FAT4: variants seen among roughly 807,000 people sequenced by gnomAD.
FAT4 encodes FAT atypical cadherin 4.
FAT4 carries 84 observed loss-of-function variants against 303.9 expected under a neutral mutation model. The observed-to-expected ratio is 0.28, with a 90% CI of 0.23 to 0.33. The LOEUF is 0.33. Ranked by LOEUF, FAT4 falls within the 10% of genes least tolerant of loss-of-function variation. The probability of loss-of-function intolerance (pLI) is 1.00; values close to 1 mark genes in which losing one functional copy is unlikely to be tolerated. For missense variants in FAT4, 6,005 were observed against 6,146.8 expected (o/e 0.98, Z 0.77); for synonymous variants, 2,307 against 2,298.8 (o/e 1.00, Z -0.10).
In FAT4 at chr4:125,479,807, C is replaced by T. The variant is rs781777881; in HGVS notation, c.12546C>T (p.Tyr4182=). The T allele has an allele frequency of 5.9e-5, 95 of 1,605,374 alleles. No homozygotes were observed. The South Asian group carries it at 8.0e-4, about 14-fold the overall frequency. The change falls in exon 15 of 18, where the codon TAC becomes TAT. Residue 4182 remains tyrosine (Y), a synonymous_variant. Coordinates refer to ENST00000394329, the MANE Select transcript of FAT4 (RefSeq NM_001291303.3). ...AACATGGTGGCACATGTATGGATTA[C>T]TGGTCATGGCAGCAGTGTCATTGCA... ...PCQHGGTCMD[Y]WSWQQCHCKE... is the part of the protein sequence containing the mutation.
chr4:125,378,294 C>T (rs555645897), intron 2 of FAT4, among the ~76,000 whole-genome samples: 4 of 152,150 alleles, frequency 2.6e-5, no homozygotes, highest in Non-Finnish European at 2.9e-5. Flanking sequence ...AAGCGGAGTA[C>T]GTGGTTGGTT....
intron 2 of FAT4, among the ~76,000 whole-genome samples, chr4:125,330,069 C>T (rs987068487): frequency 1.3e-5 from 2 of 152,264 alleles, no homozygotes; most frequent in African/African-American, 2.4e-5. Flanking sequence ...GTTCTCTTCT[C>T]TTACTTGGCT....
intron 2 of FAT4, among the ~76,000 whole-genome samples, chr4:125,348,027 G>C (rs1732071373): frequency 6.6e-6 from 1 of 151,734 alleles, no homozygotes; most frequent in South Asian, 2.1e-4. Flanking sequence ...TAAGGTTTAG[G>C]ATCAGAAGGC....
intron 7 of FAT4, among the ~76,000 whole-genome samples, chr4:125,423,906 C>T (rs537138563): frequency 6.6e-6 from 1 of 152,334 alleles, no homozygotes; most frequent in South Asian, 2.1e-4. Flanking sequence ...GGGCCTGTAG[C>T]CCCTTCATTT....
intron 7 of FAT4, among the ~76,000 whole-genome samples, chr4:125,416,909 G>C (rs1022988133): frequency 6.6e-6 from 1 of 152,146 alleles, no homozygotes; most frequent in East Asian, 1.9e-4. Context: ...TCACACCACT[G>C]TTCTCCAGCC....
At chr4:125,336,951 C>T (rs1465543368) in intron 2 of FAT4, among the ~76,000 whole-genome samples, 1 of 151,924 alleles carries the variant, frequency 6.6e-6, no homozygotes, top group African/African-American at 2.4e-5. Context: ...ATCTCAACAA[C>T]TCTAGAAGGT....
At chr4:125,322,379 G>A (rs558548730) in intron 2 of FAT4, among the ~76,000 whole-genome samples, 24 of 152,290 alleles carry the variant, frequency 1.6e-4, no homozygotes, top group Middle Eastern at 6.8e-3. Context: ...TCCAAGCTCA[G>A]CCTTCCCTGG....
intron 2 of FAT4, among the ~76,000 whole-genome samples, chr4:125,327,702 G>T (rs1222523021): frequency 6.6e-6 from 1 of 152,116 alleles, no homozygotes; most frequent in Non-Finnish European, 1.5e-5. Context: ...ATCTTCCAAT[G>T]AATTTACAAT....
At chr4:125,391,969 A>T (rs1733992862) in intron 2 of FAT4, among the ~76,000 whole-genome samples, 1 of 152,174 alleles carries the variant, frequency 6.6e-6, no homozygotes, top group African/African-American at 2.4e-5. Flanking sequence ...CATGCTAGAC[A>T]TGGATAAGTT....
chr4:125,436,050 GGA>G (rs1553925648), intron 8 of FAT4, among the ~76,000 whole-genome samples: 1 of 149,134 alleles, frequency 6.7e-6, no homozygotes, highest in African/African-American at 2.5e-5. Context: ...TGGGGTCGGG[GGA>G]GGGGGGGAGG....
chr4:125,394,290 A>C (rs1734083087), intron 2 of FAT4, among the ~76,000 whole-genome samples: 2 of 152,216 alleles, frequency 1.3e-5, no homozygotes, highest in African/African-American at 4.8e-5. Context: ...CATGAAGAGA[A>C]ACTTCTGAGT....
rs76963800 is a variant in FAT4 at position 125,407,102 on chromosome 4, C to T, written c.5530C>T (p.Pro1844Ser). 1.3e-4 allele frequency: 212 copies of T among 1,613,612 alleles called. No individual in the cohort carries two copies. In the East Asian group the frequency reaches 4.7e-3, roughly 35 times the overall value. ...TGACCATACACCCAAATTTTCCAGA[C>T]CCGTGTACTCTTTTGACATTCCTGA... ...VNDHTPKFSR[P>S]VYSFDIPEDT... Residue 1844 changes from proline to serine, a missense_variant, in exon 4 of 18, where the codon CCC becomes TCC. Coordinates refer to ENST00000394329, the MANE Select transcript of FAT4 (RefSeq NM_001291303.3).
In FAT4 at chr4:125,409,592, C is replaced by T. The variant is rs142032576; in HGVS notation, c.5920+798C>T. 6.0e-3 allele frequency among the ~76,000 whole-genome samples: 907 copies of T among 152,198 alleles called. 2 individuals are homozygous for T. The highest frequency in any genetic ancestry group is 9.3e-3 in the Non-Finnish European group (632 of 67,988). ...ATTTTAACTAGGTTTCATTTCAGCT[C>T]GAACAGTCTCAGATCTGTTTAATTT... On this transcript the variant is annotated intron_variant, in intron 5 of 17. Coordinates refer to ENST00000394329, the MANE Select transcript of FAT4 (RefSeq NM_001291303.3).
In FAT4 at chr4:125,451,535, G is replaced by A. The variant is rs754301231; in HGVS notation, c.10525G>A (p.Gly3509Arg). The change falls in exon 10 of 18, where the codon GGG (glycine) becomes AGG (arginine). Residue 3509 changes from glycine (G) to arginine (R), a missense_variant. Transcript: ENST00000394329. ...LVTLEDINDNGPMLTVSEGEV... is the reference protein window; with the variant it reads ...LVTLEDINDNRPMLTVSEGEV... ...CACCCTGGAAGATATAAATGATAAC[G>A]GGCCCATGCTGACTGTCAGTGAAGG... is the stretch of plus-strand genomic sequence containing the variant. 4 of 1,614,086 alleles carry A rather than the reference G, an allele frequency of 2.5e-6. No individual in the cohort carries two copies. The highest frequency in any genetic ancestry group is 1.3e-5 in the African/African-American group (1 of 75,022).
chr4:125,390,239 T>C (rs928158993), intron 2 of FAT4, among the ~76,000 whole-genome samples: 21 of 152,160 alleles, frequency 1.4e-4, no homozygotes, highest in African/African-American at 5.1e-4. Context: ...TTGATTCTCA[T>C]GTTTAAGGTC....
At chr4:125,416,320 G>T in intron 6 of FAT4, 128 bp from the exon 7 acceptor site, 1 of 870,714 alleles carries the variant, frequency 1.1e-6, no homozygotes, top group Non-Finnish European at 1.7e-6. Context: ...TTTTTTACTT[G>T]AAAATCTAAA....
At chr4:125,348,846 G>A (rs1732106027) in intron 2 of FAT4, among the ~76,000 whole-genome samples, 1 of 151,706 alleles carries the variant, frequency 6.6e-6, no homozygotes, top group Non-Finnish European at 1.5e-5. Flanking sequence ...TCACATCTTA[G>A]AGAAAACTGC....
At chr4:125,421,909 T>A (rs1197485602) in intron 7 of FAT4, among the ~76,000 whole-genome samples, 1 of 152,224 alleles carries the variant, frequency 6.6e-6, no homozygotes, top group Non-Finnish European at 1.5e-5. Context: ...TATTAAATTT[T>A]TTTAAGGAAA....
intron 2 of FAT4, among the ~76,000 whole-genome samples, chr4:125,393,605 G>T (rs1734054222): frequency 6.6e-6 from 1 of 152,022 alleles, no homozygotes; most frequent in African/African-American, 2.4e-5. Context: ...AAAAAAAAGA[G>T]AAAAGCATTA....
Sources: gnomAD v4.1 joint callset for allele counts (sites outside exome capture counted in the v4.1 genomes callset) on GRCh38, gnomAD v4.1.1 for gene constraint, MANE v1.5 for transcripts, NCBI Gene and HGNC (gene_info 2026-07-23, HGNC 2026-07-21) for gene names.